Variants in ZCWPW2 observed in about 807,000 individuals in gnomAD.
The protein encoded by ZCWPW2 is zinc finger CW-type PWWP domain protein 2.
ZCWPW2 carries 45 observed loss-of-function variants against 46.6 expected under a neutral mutation model. That is an observed-to-expected ratio of 0.96 (90% CI 0.76 to 1.24). ZCWPW2 has a LOEUF of 1.24. ZCWPW2 is among the 50% of genes most tolerant of loss of function. ZCWPW2 has a pLI of 0.00. For synonymous variants in ZCWPW2, 152 were observed against 137.1 expected, an observed-to-expected ratio of 1.11 and a Z score of -0.76; for missense variants, 429 against 403.9, an observed-to-expected ratio of 1.06 and a Z score of -0.53.
chr3:28,460,294 AG>A (rs1698582063), intron 4 of ZCWPW2, among the ~76,000 whole-genome samples: 1 of 148,072 alleles, frequency 6.8e-6, no homozygotes. Flanking sequence ...TACACTTTCC[AG>A]TGGCATGAAG....
At chr3:28,489,105 C>A (rs970038030) in intron 5 of ZCWPW2, among the ~76,000 whole-genome samples, 9 of 152,020 alleles carry the variant, frequency 5.9e-5, no homozygotes, top group Non-Finnish European at 1.2e-4. Flanking sequence ...ATTTCTGTTC[C>A]CAATTTATTG....
intron 1 of ZCWPW2, among the ~76,000 whole-genome samples, chr3:28,349,919 G>GT (rs1458970640): frequency 6.6e-6 from 1 of 151,954 alleles, no homozygotes. Flanking sequence ...ATTGTTGTTG[G>GT]TTTTTTTATT....
chr3:28,390,322 AT>A (rs1182906019), intron 1 of ZCWPW2, among the ~76,000 whole-genome samples, 175 bp from the exon 2 acceptor site: 1 of 152,252 alleles, frequency 6.6e-6, no homozygotes, highest in Non-Finnish European at 1.5e-5. Flanking sequence ...TACTATTACC[AT>A]ATGAGTATGT....
chr3:28,471,397 T>A (rs763199464), intron 4 of ZCWPW2, among the ~76,000 whole-genome samples: 7 of 152,164 alleles, frequency 4.6e-5, no homozygotes, highest in Non-Finnish European at 1.0e-4. Flanking sequence ...ATTAACACGA[T>A]GATTCATTAT....
chr3:28,523,916 A>G (rs1396369609), intron 9 of ZCWPW2, among the ~76,000 whole-genome samples: 1 of 152,130 alleles, frequency 6.6e-6, no homozygotes, highest in Non-Finnish European at 1.5e-5. Flanking sequence ...TCCATACACA[A>G]ATAAAACAGA....
At position 28,521,133 on chromosome 3, in the gene ZCWPW2, T is replaced by C; in HGVS notation, c.909+17T>C. 1 of 1,582,958 alleles carries C rather than the reference T, an allele frequency of 6.3e-7. No homozygotes were observed. The highest frequency in any genetic ancestry group is 8.5e-7 in the Non-Finnish European group (1 of 1,170,626). Reference sequence around the variant, plus strand: ...GGAGAAAAGGTAATATTGATAGTTATTTTCAGACCTAAATAACAACTTCAA... The same window carrying C: ...GGAGAAAAGGTAATATTGATAGTTACTTTCAGACCTAAATAACAACTTCAA... On this transcript the variant is annotated intron_variant, in intron 9 of 9. Coordinates refer to ENST00000383768, the MANE Select transcript of ZCWPW2 (RefSeq NM_001040432.4).
chr3:28,363,597 C>G (rs894412506), intron 1 of ZCWPW2, among the ~76,000 whole-genome samples: 5 of 152,090 alleles, frequency 3.3e-5, no homozygotes, highest in Non-Finnish European at 7.4e-5. Context: ...TTTTCAAATG[C>G]AGACCAACCA....
chr3:28,397,681 T>C (rs1695760504), intron 2 of ZCWPW2, among the ~76,000 whole-genome samples: 1 of 152,138 alleles, frequency 6.6e-6, no homozygotes. Context: ...AAAATAAATA[T>C]ATAATTAAAT....
chr3:28,372,516 C>CAA (rs1292187065), intron 1 of ZCWPW2, among the ~76,000 whole-genome samples: 2 of 152,094 alleles, frequency 1.3e-5, no homozygotes, highest in Non-Finnish European at 2.9e-5. Flanking sequence ...GAACAACTGG[C>CAA]AAAGTAAAAC....
intron 4 of ZCWPW2, among the ~76,000 whole-genome samples, chr3:28,464,086 T>G (rs1698737204): frequency 6.6e-6 from 1 of 152,072 alleles, no homozygotes; most frequent in Non-Finnish European, 1.5e-5. Flanking sequence ...AGATGGCCAT[T>G]TTTCTTTACC....
chr3:28,511,346 AAAC>A (rs1429427341), intron 6 of ZCWPW2, among the ~76,000 whole-genome samples: 1 of 152,194 alleles, frequency 6.6e-6, no homozygotes, highest in Non-Finnish European at 1.5e-5. Context: ...TACATAATGT[AAAC>A]AAGATTTTAA....
chr3:28,471,452 A>G (rs930242516), intron 4 of ZCWPW2, among the ~76,000 whole-genome samples: 1 of 152,190 alleles, frequency 6.6e-6, no homozygotes, highest in African/African-American at 2.4e-5. Flanking sequence ...GGTTCAGCAT[A>G]CACAAATCAA....
chr3:28,509,204 T>C (rs1239107858), intron 6 of ZCWPW2, among the ~76,000 whole-genome samples: 1 of 152,216 alleles, frequency 6.6e-6, no homozygotes, highest in African/African-American at 2.4e-5. Flanking sequence ...TATTTCATTA[T>C]ATGGATATAC....
chr3:28,501,452 G>T (rs192217521), intron 6 of ZCWPW2, among the ~76,000 whole-genome samples: 72 of 152,196 alleles, frequency 4.7e-4, no homozygotes, highest in African/African-American at 1.7e-3. Context: ...GTTTGGTTTG[G>T]ATTATTGGAG....
chr3:28,451,103 G>C (rs1458849909), intron 4 of ZCWPW2, among the ~76,000 whole-genome samples: 1 of 152,106 alleles, frequency 6.6e-6, no homozygotes. Context: ...TCGGTTTGCT[G>C]TTGCCTCAGC....
In ZCWPW2 at chr3:28,479,142, T is replaced by C. The variant is rs75771237; in HGVS notation, c.610+211T>C. Among the ~76,000 whole-genome samples the C allele has an allele frequency of 1.6e-3, 246 of 152,316 alleles. 3 individuals carry two copies. The highest frequency in any genetic ancestry group is 5.6e-3 in the African/African-American group (231 of 41,580). On this transcript the variant is annotated intron_variant, in intron 5 of 9. Coordinates refer to ENST00000383768, the MANE Select transcript of ZCWPW2 (RefSeq NM_001040432.4). ...TTTCAATGACTAAACATACACTCTT[T>C]TTAAATGCAGGAGTTCTTGTTAGCA...
chr3:28,506,686 A>G (rs572950524), intron 6 of ZCWPW2, among the ~76,000 whole-genome samples: 13 of 152,096 alleles, frequency 8.5e-5, no homozygotes, highest in Non-Finnish European at 1.6e-4. Flanking sequence ...ACAGATTTCT[A>G]TCCTATATTA....
intron 1 of ZCWPW2, among the ~76,000 whole-genome samples, chr3:28,372,665 G>A (rs1055380753): frequency 2.0e-5 from 3 of 152,004 alleles, no homozygotes; most frequent in Non-Finnish European, 4.4e-5. Flanking sequence ...CAGTTTTGTT[G>A]CATAGATAGA....
intron 4 of ZCWPW2, among the ~76,000 whole-genome samples, chr3:28,469,878 GA>G (rs1459043903): frequency 7.9e-5 from 12 of 152,120 alleles, no homozygotes; most frequent in Non-Finnish European, 1.8e-4. Context: ...CTTCCAGACA[GA>G]AAATCAACAA....
Sources: allele counts gnomAD v4.1 joint callset (sites outside exome capture counted in the v4.1 genomes callset), GRCh38; gene constraint gnomAD v4.1.1; transcripts MANE v1.5; gene names NCBI Gene and HGNC (gene_info 2026-07-23, HGNC 2026-07-21).